Variants in SLC23A2 observed in about 807,000 individuals in gnomAD.
SLC23A2 encodes the protein Na(+)/L-ascorbic acid transporter 2.
Under a neutral mutation model 73.3 loss-of-function variants are expected in SLC23A2, and 36 were observed. The observed-to-expected ratio is 0.49, with a 90% confidence interval of 0.38 to 0.65. The LOEUF (loss-of-function observed/expected upper bound fraction) is 0.65, where lower values mean the gene tolerates loss of function less well. Among genes scored for constraint, SLC23A2 ranks in the 30% least tolerant of loss-of-function variants. SLC23A2 has a pLI of 0.00. For missense variants in SLC23A2, 507 were observed against 841.6 expected, an observed-to-expected ratio of 0.60 and a Z score of 4.92; for synonymous variants, 343 against 327.3, an observed-to-expected ratio of 1.05 and a Z score of -0.52.
intron 4 of SLC23A2, among the ~76,000 whole-genome samples, chr20:4,912,073 GGCCTCAA>G (rs60978058): frequency 0.043 from 6,428 of 147,844 alleles, 244 homozygotes; most frequent in African/African-American, 0.097. Flanking sequence ...TCAAACTCCT[GGCCTCAA>G]GCAATCTTCC....
chr20:4,892,070 G>A (rs957271216), intron 6 of SLC23A2, among the ~76,000 whole-genome samples: 2 of 151,536 alleles, frequency 1.3e-5, no homozygotes, highest in Admixed American at 6.6e-5. Flanking sequence ...CAGTCTTATG[G>A]TTAGTTTACC....
At chr20:4,900,606 T>C (rs1280360781) in intron 5 of SLC23A2, among the ~76,000 whole-genome samples, 2 of 152,218 alleles carry the variant, frequency 1.3e-5, no homozygotes, top group Admixed American at 1.3e-4. Flanking sequence ...ATGGAGTGTT[T>C]TCTGTCTTTT....
chr20:4,975,858 C>CTT (rs540235253), intron 1 of SLC23A2, among the ~76,000 whole-genome samples: 4 of 141,812 alleles, frequency 2.8e-5, no homozygotes, highest in South Asian at 4.5e-4. Context: ...TTCTTTCTTT[C>CTT]TTTTTTTTTT....
At chr20:4,968,780 A>G (rs2087514829) in intron 2 of SLC23A2, among the ~76,000 whole-genome samples, 1 of 151,026 alleles carries the variant, frequency 6.6e-6, no homozygotes, top group Admixed American at 6.6e-5. Flanking sequence ...GCACGATGGC[A>G]TGATCTCGGC....
chr20:4,883,727 T>C lies in SLC23A2; in HGVS notation c.739A>G (p.Ile247Val). ...ALLKYIGPLT[I>V]TPTVALIGLS... The stretch of plus-strand genomic sequence containing the variant: ...CCAATTAGGGCCACCGTGGGTGTAA[T>C]GGTCAAGGGACCGATGTACTTCAGT... The change falls in exon 9 of 17, where the codon ATT becomes GTT. Residue 247 changes from isoleucine (I) to valine (V), a missense_variant. By Grantham distance (29) the Ile-to-Val change is conservative (BLOSUM62 3). Around this residue, in one of 5 missense-constraint regions of SLC23A2, gnomAD observed 217 missense variants for 398.0 expected, o/e 0.55. Coordinates refer to ENST00000338244, the MANE Select transcript of SLC23A2 (RefSeq NM_005116.6). The surrounding 1 kb of genome is among the most constrained non-coding windows in gnomAD (Gnocchi z 4.5). 6.2e-7 allele frequency: 1 copy of C among 1,613,996 alleles called. No individual in the cohort carries two copies. Among genetic ancestry groups the C allele is most frequent in the South Asian group, 1.1e-5 (1 of 91,080 alleles).
chr20:4,896,587 A>T (rs1931530894), intron 6 of SLC23A2, among the ~76,000 whole-genome samples: 1 of 152,168 alleles, frequency 6.6e-6, no homozygotes, highest in Non-Finnish European at 1.5e-5. Flanking sequence ...TTTCCAGCTA[A>T]GGATTCAAAG....
chr20:4,980,251 A>G (rs1452486510), intron 1 of SLC23A2, among the ~76,000 whole-genome samples: 3 of 152,180 alleles, frequency 2.0e-5, no homozygotes, highest in Non-Finnish European at 4.4e-5. Context: ...GTCTAAAGAA[A>G]TAATCAGGAA....
At chr20:4,896,378 A>C (rs958225331) in intron 6 of SLC23A2, among the ~76,000 whole-genome samples, 4 of 152,146 alleles carry the variant, frequency 2.6e-5, no homozygotes, top group African/African-American at 9.6e-5. Flanking sequence ...GAGAGGAAGC[A>C]AGGGGTGCAG....
intron 2 of SLC23A2, among the ~76,000 whole-genome samples, chr20:4,954,283 A>G (rs2087248139): frequency 6.6e-6 from 1 of 152,198 alleles, no homozygotes; most frequent in Non-Finnish European, 1.5e-5. Flanking sequence ...AATAAGGCTA[A>G]TATAATAGAT....
intron 3 of SLC23A2, among the ~76,000 whole-genome samples, chr20:4,920,705 C>A (rs1280482042): frequency 6.6e-6 from 1 of 152,148 alleles, no homozygotes; most frequent in Admixed American, 6.5e-5. Context: ...AAGAACGGAG[C>A]TACAGACACA....
rs528610905 is a variant in SLC23A2 at position 4,958,128 on chromosome 20, G to T, written c.-155+12665C>A. 2.0e-4 allele frequency among the ~76,000 whole-genome samples: 31 copies of T among 152,294 alleles called. No homozygotes were observed. The South Asian group carries it at 5.8e-3, about 29-fold the overall frequency. The stretch of plus-strand genomic sequence containing the variant: ...CTTCCAGCTCAAGACTCACATTACA[G>T]TGTGTCCTAGTTAGCAGGCTGCAGT... On this transcript the variant is annotated intron_variant, in intron 2 of 16. Coordinates refer to ENST00000338244, the MANE Select transcript of SLC23A2 (RefSeq NM_005116.6).
At chr20:4,978,255 A>G (rs980979425) in intron 1 of SLC23A2, among the ~76,000 whole-genome samples, 3 of 152,178 alleles carry the variant, frequency 2.0e-5, no homozygotes, top group Non-Finnish European at 2.9e-5. Context: ...CAGTTAACAC[A>G]AATGGTTCTA....
chr20:5,004,190 G>A (rs2088165211), upstream of SLC23A2, among the ~76,000 whole-genome samples: 1 of 152,090 alleles, frequency 6.6e-6, no homozygotes. Flanking sequence ...ATATTCTCCA[G>A]GAATTGCAAA....
At chr20:4,972,973 G>T (rs1285563184) in intron 1 of SLC23A2, among the ~76,000 whole-genome samples, 1 of 152,148 alleles carries the variant, frequency 6.6e-6, no homozygotes, top group African/African-American at 2.4e-5. Flanking sequence ...ATAATGAAAA[G>T]AACATGAGAA....
intron 9 of SLC23A2, among the ~76,000 whole-genome samples, chr20:4,881,181 A>C (rs1930868822): frequency 6.6e-6 from 1 of 152,242 alleles, no homozygotes; most frequent in Non-Finnish European, 1.5e-5. Flanking sequence ...CAGGGGCAGG[A>C]AAGGAATCAA....
intron 1 of SLC23A2, among the ~76,000 whole-genome samples, chr20:4,989,904 T>C (rs2122317746): frequency 6.6e-6 from 1 of 152,072 alleles, no homozygotes; most frequent in African/African-American, 2.4e-5. Context: ...GCAGACACGG[T>C]GCTATTACAT....
intron 3 of SLC23A2, among the ~76,000 whole-genome samples, chr20:4,922,694 C>G (rs541227453): frequency 1.3e-5 from 2 of 151,940 alleles, no homozygotes; most frequent in Non-Finnish European, 2.9e-5. Flanking sequence ...TGGGCATGGT[C>G]GTGCATGCCT....
At chr20:4,905,323 C>T (rs1424642420) in intron 4 of SLC23A2, among the ~76,000 whole-genome samples, 1 of 152,122 alleles carries the variant, frequency 6.6e-6, no homozygotes, top group African/African-American at 2.4e-5. Context: ...GATCAGACAA[C>T]ACTGTGAGGC....
At position 4,856,045 on chromosome 20, in the gene SLC23A2, T is replaced by C. The variant is rs2122762091; in HGVS notation, c.*927A>G. On this transcript the variant is annotated 3_prime_UTR_variant, in exon 17 of 17. Coordinates refer to ENST00000338244, the MANE Select transcript of SLC23A2 (RefSeq NM_005116.6). The surrounding 1 kb of genome is among the most constrained non-coding windows in gnomAD (Gnocchi z 4.6). ...ATGGAAAACACTGATTTCCAAAATC[T>C]GCTATAGTCAATAACATTAAATAGG... is the stretch of plus-strand genomic sequence containing the variant. 6.5e-6 allele frequency: 1 copy of C among 152,674 alleles called. No individual in the cohort carries two copies. The highest frequency in any genetic ancestry group is 1.9e-4 in the East Asian group (1 of 5,170). 9.5% of individuals were successfully genotyped at this position (152,674 alleles called of 1,614,324 possible). A position where few individuals can be genotyped will look rare whatever the true frequency, so the allele number is the denominator to read the frequency against.
Sources: gnomAD v4.1 joint callset for allele counts (sites outside exome capture counted in the v4.1 genomes callset) on GRCh38, gnomAD v4.1.1 for gene constraint, gnomAD v4.1.1 regional missense constraint, Gnocchi (gnomAD v3.1) non-coding constraint, MANE v1.5 for transcripts, NCBI Gene and HGNC (gene_info 2026-07-23, HGNC 2026-07-21) for gene names.